ANKRD66: variants seen among roughly 807,000 people sequenced by gnomAD.
ANKRD66 encodes the protein ankyrin repeat domain-containing protein 66.
ANKRD66 carries 10 observed loss-of-function variants against 10.9 expected under a neutral mutation model. That is an observed-to-expected ratio of 0.91 (90% CI 0.56 to 1.55). ANKRD66 has a LOEUF of 1.55. ANKRD66 is among the 40% of genes most tolerant of loss of function. ANKRD66 has a pLI of 0.00. For synonymous variants in ANKRD66, 85 were observed against 88.4 expected (o/e 0.96, Z 0.22); for missense variants, 252 against 242.9 (o/e 1.04, Z -0.25).
chr6:46,749,775 G>A (rs1766228758), intron 1 of ANKRD66, 121 bp from the exon 2 acceptor site: 32 of 1,266,460 alleles, frequency 2.5e-5, no homozygotes, highest in Non-Finnish European at 3.0e-5. Context: ...ACCCAGCTTA[G>A]GCCACTTTTA....
rs754903865 is a variant in ANKRD66 at position 46,749,943 on chromosome 6, A to G, written c.-49A>G. ...ACTCACCTGGAGGGCTTACCACAAC[A>G]AAGATGGCCGGACCCCTGCCCAGAG... On this transcript the variant is annotated 5_prime_UTR_variant, in exon 2 of 5. Coordinates refer to ENST00000565422, the MANE Select transcript of ANKRD66 (RefSeq NM_001162435.3). The G allele has an allele frequency of 1.1e-5, 17 of 1,541,850 alleles. No homozygotes were observed. The highest frequency in any genetic ancestry group is 1.4e-5 in the African/African-American group (1 of 72,790).
intron 1 of ANKRD66, 142 bp from the exon 2 acceptor site, chr6:46,749,754 A>G (rs1766228389): frequency 1.1e-6 from 1 of 892,108 alleles, no homozygotes; most frequent in South Asian, 2.1e-5. Context: ...TCTCTGACCC[A>G]TCGCATCAGG....
chr6:46,756,842 T>A (rs887673293), intron 4 of ANKRD66: 2 of 152,256 alleles, frequency 1.3e-5, no homozygotes, highest in Non-Finnish European at 1.5e-5. Flanking sequence ...GATAATTCCT[T>A]ATGACTTTTA....
In ANKRD66 at chr6:46,758,976, C is replaced by G. The variant is rs2150729317; in HGVS notation, c.*55C>G. ...ACTTTCCCTGGTGCCAGAAATGAGG[C>G]TGTTAGGCATGGTGGCCTTTCCATG... On this transcript the variant is annotated 3_prime_UTR_variant, in exon 5 of 5. Transcript: ENST00000565422. 1 of 1,476,826 alleles carries G rather than the reference C, an allele frequency of 6.8e-7. No individual in the cohort carries two copies. Among genetic ancestry groups the G allele is most frequent in the African/African-American group, 1.4e-5 (1 of 70,706 alleles). 91.5% of individuals were successfully genotyped at this position (1,476,826 alleles called of 1,614,324 possible). A position where few individuals can be genotyped will look rare whatever the true frequency, so the allele number is the denominator to read the frequency against.
chr6:46,752,680 TATA>T (rs1466640692), intron 3 of ANKRD66, among the ~76,000 whole-genome samples: 1 of 152,210 alleles, frequency 6.6e-6, no homozygotes, highest in Admixed American at 6.5e-5. Flanking sequence ...AATTCAGTAA[TATA>T]ATGAGTGTAC....
At chr6:46,747,540 C>T (rs572192194) in intron 1 of ANKRD66, among the ~76,000 whole-genome samples, 1 of 152,330 alleles carries the variant, frequency 6.6e-6, no homozygotes, top group South Asian at 2.1e-4. Flanking sequence ...ATTCCACATA[C>T]ATGGAGGTAT....
rs1475714234 is a variant in ANKRD66 at position 46,758,856 on chromosome 6, A to C, written c.526A>C (p.Asn176His). Residue 176 changes from asparagine (N) to histidine (H), a missense_variant, in exon 5 of 5, where the codon AAT becomes CAT. By Grantham distance (68) the Asn-to-His change is moderately conservative. Transcript: ENST00000565422. ...TCTTCCTTCCCTAAATCAAAACATG[A>C]ATAAAAAGAATAAGAAAAGTCGAGG... Reference protein sequence around the residue: ...LSLPSLNQNMNKKNKKSRGPT... With the variant: ...LSLPSLNQNMHKKNKKSRGPT... 6.4e-7 allele frequency: 1 copy of C among 1,551,460 alleles called. No homozygotes were observed. The highest frequency in any genetic ancestry group is 8.7e-7 in the Non-Finnish European group (1 of 1,146,916).
Position 46,752,116 on chromosome 6 carries a change from G to A in ANKRD66, c.163+5G>A. The A allele has an allele frequency of 2.0e-6, 3 of 1,472,302 alleles. No individual in the cohort carries two copies. Among genetic ancestry groups the A allele is most frequent in the South Asian group, 1.4e-5 (1 of 70,690 alleles). The allele number at this position is 1,472,302 out of a possible 1,614,324, so 91.2% of individuals were successfully genotyped here. A position where few individuals can be genotyped will look rare whatever the true frequency, so the allele number is the denominator to read the frequency against. On this transcript the variant is annotated splice_donor_5th_base_variant and intron_variant, in intron 3 of 4. Transcript: ENST00000565422. ...TTCACTGGGCTGCAATCAAAGGTGA[G>A]TGGGCAATGCTTAGGTAGATCTGCC...
At chr6:46,747,276 T>A (rs896714866) in intron 1 of ANKRD66, among the ~76,000 whole-genome samples, 2 of 152,208 alleles carry the variant, frequency 1.3e-5, no homozygotes, top group Non-Finnish European at 2.9e-5. Flanking sequence ...AAGCTTCTAA[T>A]TAATAGTTTT....
intron 3 of ANKRD66, 147 bp from the exon 4 acceptor site, chr6:46,753,575 A>T (rs1363957381): frequency 2.8e-6 from 2 of 713,196 alleles, no homozygotes; most frequent in Non-Finnish European, 4.5e-6. Flanking sequence ...AAGAGGGAAA[A>T]GGGAGGAGGG....
intron 1 of ANKRD66, 101 bp downstream of exon 1, chr6:46,747,091 C>T (rs908475011): frequency 3.3e-5 from 40 of 1,210,090 alleles, no homozygotes; most frequent in Middle Eastern, 1.9e-4. Context: ...ACTTGATTTC[C>T]TATCTTTATG....
chr6:46,747,861 A>C (rs1471486040), intron 1 of ANKRD66, among the ~76,000 whole-genome samples: 1 of 152,254 alleles, frequency 6.6e-6, no homozygotes, highest in African/African-American at 2.4e-5. Context: ...ACAAACCTGC[A>C]GTAATCAGGA....
In ANKRD66 at chr6:46,749,030, C is replaced by T. The variant is rs115194737; in HGVS notation, c.-96-866C>T. Among the ~76,000 whole-genome samples the T allele has an allele frequency of 4.7e-3, 709 of 152,316 alleles. 8 individuals are homozygous for T. The highest frequency in any genetic ancestry group is 0.016 in the African/African-American group (671 of 41,568). On this transcript the variant is annotated intron_variant, in intron 1 of 4. Transcript: ENST00000565422. ...GGCCAAATCTGGCTCACCCCACTTT[C>T]GTAGGCCCGTGGTCACCATTTAAGG...
At chr6:46,747,594 T>C (rs2150725106) in intron 1 of ANKRD66, among the ~76,000 whole-genome samples, 1 of 152,360 alleles carries the variant, frequency 6.6e-6, no homozygotes, top group African/African-American at 2.4e-5. Flanking sequence ...ACTTAGCATG[T>C]TTCAAGGTTC....
intron 1 of ANKRD66, among the ~76,000 whole-genome samples, chr6:46,747,281 A>C (rs1766164015): frequency 1.3e-5 from 2 of 152,194 alleles, no homozygotes; most frequent in Non-Finnish European, 2.9e-5. Flanking sequence ...TCTAATTAAT[A>C]GTTTTTTGTA....
intron 4 of ANKRD66, 85 bp from the exon 5 acceptor site, chr6:46,758,638 T>C: frequency 7.5e-7 from 1 of 1,340,600 alleles, no homozygotes; most frequent in Non-Finnish European, 9.9e-7. Context: ...AACTGCGGTG[T>C]GCAGAACCTG....
intron 3 of ANKRD66, 103 bp from the exon 4 acceptor site, chr6:46,753,619 C>A: frequency 8.4e-7 from 1 of 1,184,074 alleles, no homozygotes; most frequent in African/African-American, 1.6e-5. Context: ...TCCTCAAAGG[C>A]AAAGTTTCCC....
At chr6:46,747,805 A>G (rs1766181615) in intron 1 of ANKRD66, among the ~76,000 whole-genome samples, 1 of 152,206 alleles carries the variant, frequency 6.6e-6, no homozygotes, top group Non-Finnish European at 1.5e-5. Context: ...TCTCTTGGGT[A>G]TATAGCTCAT....
At chr6:46,756,190 G>A in intron 4 of ANKRD66, 1 of 348,310 alleles carries the variant, frequency 2.9e-6, no homozygotes, top group Non-Finnish European at 5.6e-6. Flanking sequence ...TCTTGGGGAA[G>A]GACAACATGT....
Sources: gnomAD v4.1 joint callset for allele counts (sites outside exome capture counted in the v4.1 genomes callset) on GRCh38, gnomAD v4.1.1 for gene constraint, MANE v1.5 for transcripts, NCBI Gene and HGNC (gene_info 2026-07-23, HGNC 2026-07-21) for gene names.